The following SMCP variants were observed in gnomAD, a reference collection of about 807,000 sequenced individuals.
SMCP encodes sperm mitochondria associated cysteine rich protein, also known as sperm mitochondrial-associated cysteine-rich protein.
For synonymous variants in SMCP, 41 were observed against 46.9 expected (o/e 0.87, Z 0.51); for missense variants, 137 against 137.1 (o/e 1.00, Z 0.01).
At chr1:152,882,001 G>A (rs1258460915) in intron 1 of SMCP, among the ~76,000 whole-genome samples, 2 of 152,134 alleles carry the variant, frequency 1.3e-5, no homozygotes, top group Admixed American at 6.5e-5. Context: ...TTGAGATGGA[G>A]TTTTGCTCTT....
chr1:152,881,557 G>A (rs1299051463), intron 1 of SMCP, among the ~76,000 whole-genome samples: 4 of 151,090 alleles, frequency 2.6e-5, no homozygotes, highest in African/African-American at 4.9e-5. Flanking sequence ...GCGTGGTGGC[G>A]GGCGCCTGTA....
chr1:152,884,434 GACAAAAC>G lies in SMCP; in HGVS notation c.16_22del (p.Lys6ValfsTer134). On this transcript the variant is annotated frameshift_variant, in exon 2 of 2. Coordinates refer to ENST00000368765, the MANE Select transcript of SMCP (RefSeq NM_030663.3). LOFTEE classifies it low-confidence loss of function (END_TRUNC). Reference sequence around the variant, plus strand: ...CAAGTGTTCAGAAGATGTGTGACCAGACAAAACACAGTAAATGCTGCCCAGCAAAAGG... The same window carrying G: ...CAAGTGTTCAGAAGATGTGTGACCAGACAGTAAATGCTGCCCAGCAAAAGG... 6.2e-7 allele frequency: 1 copy of G among 1,614,148 alleles called. No individual in the cohort carries two copies. The highest frequency in any genetic ancestry group is 8.5e-7 in the Non-Finnish European group (1 of 1,180,034).
chr1:152,884,705 C>T lies in SMCP; in HGVS notation c.283C>T (p.Gln95Ter). ...MESEPNSPQT[Q>*]DKGCQTQQQP... is the part of the protein sequence containing the mutation. ...GTCTGAGCCCAACTCACCGCAAACT[C>T]AGGACAAGGGCTGTCAAACCCAGCA... The change falls in exon 2 of 2, where the codon CAG (glutamine) becomes TAG (stop). Residue 95 changes from glutamine to a stop codon, truncating the protein, a stop_gained. Coordinates refer to ENST00000368765, the MANE Select transcript of SMCP (RefSeq NM_030663.3). LOFTEE classifies it low-confidence loss of function (END_TRUNC). The T allele has an allele frequency of 2.5e-6, 4 of 1,614,218 alleles. No individual in the cohort carries two copies. Among genetic ancestry groups the T allele is most frequent in the Middle Eastern group, 1.6e-4 (1 of 6,062 alleles).
chr1:152,879,669 A>G (rs1648975531), intron 1 of SMCP, among the ~76,000 whole-genome samples: 1 of 152,194 alleles, frequency 6.6e-6, no homozygotes, highest in Admixed American at 6.5e-5. Context: ...ACTGGCTCAG[A>G]GGGGCAGGAC....
chr1:152,882,661 A>G (rs1056159181), intron 1 of SMCP, among the ~76,000 whole-genome samples: 5 of 149,196 alleles, frequency 3.4e-5, no homozygotes, highest in South Asian at 2.1e-4. Flanking sequence ...ACTTAGGTGC[A>G]CACACACACA....
chr1:152,882,222 C>T (rs774675735), intron 1 of SMCP, among the ~76,000 whole-genome samples: 9 of 152,152 alleles, frequency 5.9e-5, no homozygotes, highest in Admixed American at 6.5e-5. Flanking sequence ...CCACCTGCCT[C>T]GACCTCCCAA....
intron 1 of SMCP, among the ~76,000 whole-genome samples, chr1:152,883,032 G>A (rs570563242): frequency 6.6e-5 from 10 of 152,278 alleles, no homozygotes; most frequent in East Asian, 1.9e-4. Context: ...TGACAAGAGC[G>A]AAGCTCCATC....
rs1649170216 is a variant in SMCP, at chr1:152,884,865, G to A, written c.*92G>A. ...TTACTGAGAGTCAGGCTAGACCTGT[G>A]TTTAGAGAAGCAGTTTTCACAGTGA... On this transcript the variant is annotated 3_prime_UTR_variant, in exon 2 of 2. Coordinates refer to ENST00000368765, the MANE Select transcript of SMCP (RefSeq NM_030663.3). 2 of 1,149,506 alleles carry A rather than the reference G, an allele frequency of 1.7e-6. No individual in the cohort carries two copies. The highest frequency in any genetic ancestry group is 1.2e-6 in the Non-Finnish European group (1 of 807,440). The allele number at this position is 1,149,506 out of a possible 1,614,324, so 71.2% of individuals were successfully genotyped here.
At chr1:152,883,457 T>C (rs1372701558) in intron 1 of SMCP, among the ~76,000 whole-genome samples, 1 of 152,198 alleles carries the variant, frequency 6.6e-6, no homozygotes, top group Non-Finnish European at 1.5e-5. Context: ...AGGGGCTGCA[T>C]ACCTGGGCTG....
chr1:152,884,498 T>C lies in SMCP; in HGVS notation c.76T>C (p.Cys26Arg). 1 of 1,613,962 alleles carries C rather than the reference T, an allele frequency of 6.2e-7. No homozygotes were observed. Among genetic ancestry groups the C allele is most frequent in the African/African-American group, 1.3e-5 (1 of 75,014 alleles). The change falls in exon 2 of 2, where the codon TGC becomes CGC. Residue 26 changes from cysteine (C) to arginine (R), a missense_variant. Physicochemically the swap from Cys to Arg is radical, Grantham distance 180 (BLOSUM62 -3). Coordinates refer to ENST00000368765, the MANE Select transcript of SMCP (RefSeq NM_030663.3). ...NQCCPPQQNQ[C>R]CQSKGNQCCP... is the part of the protein sequence containing the mutation. ...ATGCTGCCCACCACAGCAGAACCAGTGCTGCCAGTCAAAAGGCAATCAATG... is the reference window on the plus strand; with the variant it reads ...ATGCTGCCCACCACAGCAGAACCAGCGCTGCCAGTCAAAAGGCAATCAATG...
In SMCP at chr1:152,878,368, G is replaced by A. The variant is rs1445394462; in HGVS notation, c.-99G>A. 1 of 152,658 alleles carries A rather than the reference G, an allele frequency of 6.6e-6. No individual in the cohort carries two copies. Among genetic ancestry groups the A allele is most frequent in the Non-Finnish European group, 1.5e-5 (1 of 68,058 alleles). 9.5% of individuals were successfully genotyped at this position (152,658 alleles called of 1,614,324 possible). On this transcript the variant is annotated 5_prime_UTR_variant, in exon 1 of 2. Transcript: ENST00000368765. ...GTCATGGACTCACTAGGCTGCTGAG[G>A]AAGATCAATAATACCTACTGGAATC...
Position 152,878,322 on chromosome 1 carries a change from A to G in SMCP, c.-145A>G, listed in dbSNP as rs1223582246. On this transcript the variant is annotated 5_prime_UTR_variant, in exon 1 of 2. Coordinates refer to ENST00000368765, the MANE Select transcript of SMCP (RefSeq NM_030663.3). ...GCAGGGAAGGGAACCCATCTGGTTC[A>G]GAAGGCTTTGGCTTCTGATAGTCAT... The G allele has an allele frequency of 3.3e-5, 5 of 152,718 alleles. No individual in the cohort carries two copies. The East Asian group carries it at 9.6e-4, about 29-fold the overall frequency. The allele number at this position is 152,718 out of a possible 1,614,324, so 9.5% of individuals were successfully genotyped here.
At position 152,884,467 on chromosome 1, in the gene SMCP, C is replaced by T. The variant is rs773280731; in HGVS notation, c.45C>T (p.Gly15=). ...ACAGTAAATGCTGCCCAGCAAAAGGCAATCAATGCTGCCCACCACAGCAGA... is the reference window on the plus strand; with the variant it reads ...ACAGTAAATGCTGCCCAGCAAAAGGTAATCAATGCTGCCCACCACAGCAGA... ...TKHSKCCPAK[G]NQCCPPQQNQ... The change falls in exon 2 of 2, where the codon GGC becomes GGT. Residue 15 remains glycine, a synonymous_variant. Transcript: ENST00000368765. The T allele has an allele frequency of 1.4e-5, 22 of 1,613,900 alleles. No individual in the cohort carries two copies. Among genetic ancestry groups the T allele is most frequent in the Non-Finnish European group, 1.9e-5 (22 of 1,179,918 alleles).
chr1:152,883,431 C>A (rs184585916), intron 1 of SMCP, among the ~76,000 whole-genome samples: 4 of 152,332 alleles, frequency 2.6e-5, no homozygotes, highest in Admixed American at 2.0e-4. Flanking sequence ...GGGCGGAAAC[C>A]ATTAGGGGCT....
At chr1:152,881,049 C>T (rs190462292) in intron 1 of SMCP, among the ~76,000 whole-genome samples, 17 of 8,244 alleles carry the variant, frequency 2.1e-3, no homozygotes, top group East Asian at 0.015. Context: ...AGAGAGTCTG[C>T]GCTGGGGCTG....
intron 1 of SMCP, among the ~76,000 whole-genome samples, chr1:152,883,611 G>T (rs181379359): frequency 4.3e-4 from 66 of 152,250 alleles, no homozygotes; most frequent in East Asian, 4.1e-3. Flanking sequence ...TGAGTTTGAG[G>T]ACACCTACCA....
At chr1:152,878,681 C>A (rs923843308) in intron 1 of SMCP, among the ~76,000 whole-genome samples, 6 of 152,116 alleles carry the variant, frequency 3.9e-5, no homozygotes, top group Non-Finnish European at 5.9e-5. Flanking sequence ...ATGGAACTAA[C>A]AGACCACAAA....
chr1:152,881,023 C>A (rs1649018271), intron 1 of SMCP, among the ~76,000 whole-genome samples: 1 of 474 alleles, frequency 2.1e-3, no homozygotes, highest in South Asian at 0.05. Flanking sequence ...TCCAATGGTT[C>A]AGAAAGTGAA....
In SMCP at chr1:152,884,791, CAAA is replaced by C. The variant is rs777724231; in HGVS notation, c.*19_*21del. On this transcript the variant is annotated 3_prime_UTR_variant, in exon 2 of 2. Transcript: ENST00000368765. ...GCAAATGAGAGCAGAAGAAGTCAAA[CAAA>C]GAAGAAGTCCCTGGGGCCATGCCTT... The C allele has an allele frequency of 3.7e-6, 6 of 1,603,986 alleles. No individual in the cohort carries two copies. In the African/African-American group the frequency reaches 5.4e-5, roughly 14 times the overall value.
Sources: allele counts gnomAD v4.1 joint callset (sites outside exome capture counted in the v4.1 genomes callset), GRCh38; gene constraint gnomAD v4.1.1; transcripts MANE v1.5; gene names NCBI Gene and HGNC (gene_info 2026-07-23, HGNC 2026-07-21).